Variants in GGCX observed in about 807,000 individuals in gnomAD.
The protein encoded by GGCX is vitamin K-dependent gamma-carboxylase.
GGCX carries 63 observed loss-of-function variants against 88.5 expected under a neutral mutation model. The observed-to-expected ratio is 0.71, with a 90% CI of 0.58 to 0.88. GGCX has a LOEUF of 0.88. GGCX is among the 40% of genes least tolerant of loss of function. The pLI is 0.00. For synonymous variants in GGCX, 368 were observed against 365.8 expected (o/e 1.01, Z -0.07); for missense variants, 805 against 932.9 (o/e 0.86, Z 1.79).
chr2:85,548,465 CCT>C lies in GGCX; in HGVS notation c.*1467_*1468del, dbSNP rs563477139. 3.3e-4 allele frequency: 50 copies of C among 152,286 alleles called. No homozygotes were observed. The highest frequency in any genetic ancestry group is 1.2e-3 in the African/African-American group (49 of 41,538). The allele number at this position is 152,286 out of a possible 1,614,324, so 9.4% of individuals were successfully genotyped here. A position where few individuals can be genotyped will look rare whatever the true frequency, so the allele number is the denominator to read the frequency against. ...ATACGTCTAGGGCACAGGAAAGAAA[CCT>C]AGCATCGTTGGAAATCCTGGAGTAG... On this transcript the variant is annotated 3_prime_UTR_variant, in exon 15 of 15. Transcript: ENST00000233838.
chr2:85,554,555 T>C (rs926817145), intron 6 of GGCX: 1 of 523,754 alleles, frequency 1.9e-6, no homozygotes, highest in Admixed American at 3.1e-5. Context: ...AGCCTCAAAC[T>C]CCTGGGCTCA....
rs1047877795 is a variant in GGCX at position 85,546,708 on chromosome 2, C to T, written c.*3226G>A. The T allele has an allele frequency of 6.6e-6, 1 of 152,200 alleles. No individual in the cohort carries two copies. Among genetic ancestry groups the T allele is most frequent in the East Asian group, 1.9e-4 (1 of 5,192 alleles). The allele number at this position is 152,200 out of a possible 1,614,324, so 9.4% of individuals were successfully genotyped here. A position where few individuals can be genotyped will look rare whatever the true frequency, so the allele number is the denominator to read the frequency against. ...CAGAGCAAGGTTCCTTCTCAAAAAA[C>T]TTGGAAATCTGTTGGGAAGTAGGGG... On this transcript the variant is annotated 3_prime_UTR_variant, in exon 15 of 15. Transcript: ENST00000233838.
rs760208257 is a variant in GGCX at position 85,551,970 on chromosome 2, G to A, written c.1451C>T (p.Pro484Leu). Residue 484 changes from proline (P) to leucine (L), a missense_variant, in exon 11 of 15, where the codon CCT becomes CTT. Pro to Leu is a moderately conservative substitution (Grantham distance 98, BLOSUM62 -3). This residue lies in a region of GGCX where 680 missense variants were observed against 763.7 expected (regional missense o/e 0.89). Transcript: ENST00000233838. ...AGCGGCCTGCACGATGTCCACACGA[G>A]GGTCAAAAATCCTTAGGAAAGAAAA... ...NDRFQQRIFD[P>L]RVDIVQAAWS... 5.0e-6 allele frequency: 8 copies of A among 1,613,712 alleles called. No homozygotes were observed. In the South Asian group the frequency reaches 6.6e-5, roughly 13 times the overall value.
At chr2:85,556,447 T>C (rs1331852581) in intron 4 of GGCX, among the ~76,000 whole-genome samples, 187 bp from the exon 5 acceptor site, 2 of 152,234 alleles carry the variant, frequency 1.3e-5, no homozygotes, top group African/African-American at 2.4e-5. Flanking sequence ...AGAAGAAATA[T>C]TGCTACTAAG....
intron 6 of GGCX, chr2:85,554,633 T>C: frequency 2.6e-6 from 1 of 380,168 alleles, no homozygotes; most frequent in Non-Finnish European, 5.0e-6. Flanking sequence ...GCCTAGCTGT[T>C]TTTTTAAAAA....
rs532327434 is a variant in GGCX at position 85,559,925 on chromosome 2, G to A, written c.215-850C>T. ...TTTGGGCTGGTTAATTATTTATTGA[G>A]GGGATTATCCAATGCACTACAGGAC... On this transcript the variant is annotated intron_variant, in intron 2 of 14. Transcript: ENST00000233838. 4.7e-4 allele frequency among the ~76,000 whole-genome samples: 71 copies of A among 152,236 alleles called. 1 individual carries two copies. The highest frequency in any genetic ancestry group is 4.1e-3 in the Admixed American group (62 of 15,288).
At chr2:85,560,295 T>C (rs983921895) in intron 2 of GGCX, among the ~76,000 whole-genome samples, 3 of 152,042 alleles carry the variant, frequency 2.0e-5, no homozygotes, top group African/African-American at 7.2e-5. Flanking sequence ...ACATATCATA[T>C]AGCATTTCTA....
At position 85,549,033 on chromosome 2, in the gene GGCX, T is replaced by C. The variant is rs900900117; in HGVS notation, c.*901A>G. ...AACAAAGAAGGAACCAAAATTGCAA[T>C]GAAGATAAATTACTTTGTGTGCATT... On this transcript the variant is annotated 3_prime_UTR_variant, in exon 15 of 15. Transcript: ENST00000233838. The C allele has an allele frequency of 6.6e-6, 1 of 152,196 alleles. No homozygotes were observed. Among genetic ancestry groups the C allele is most frequent in the Non-Finnish European group, 1.5e-5 (1 of 68,036 alleles). The allele number at this position is 152,196 out of a possible 1,614,324, so 9.4% of individuals were successfully genotyped here.
In GGCX at chr2:85,545,620, A is replaced by G. The variant is rs530247310; in HGVS notation, c.*4314T>C. ...AAGATTTAGTCCTCCTAGTCCACTT[A>G]AGCCAAAATTCATGTGTCCTTATTG... On this transcript the variant is annotated 3_prime_UTR_variant, in exon 15 of 15. Coordinates refer to ENST00000233838, the MANE Select transcript of GGCX (RefSeq NM_000821.7). The G allele has an allele frequency of 2.0e-5, 3 of 152,290 alleles. No individual in the cohort carries two copies. In the East Asian group the frequency reaches 5.8e-4, roughly 29 times the overall value. 9.4% of individuals were successfully genotyped at this position (152,290 alleles called of 1,614,324 possible).
In GGCX at chr2:85,552,962, C is replaced by T. The variant is rs771694780; in HGVS notation, c.1264G>A (p.Glu422Lys). 5.6e-6 allele frequency: 9 copies of T among 1,614,178 alleles called. No homozygotes were observed. The highest frequency in any genetic ancestry group is 1.7e-5 in the Admixed American group (1 of 60,024). The stretch of plus-strand genomic sequence containing the variant: ...ACCCCAGGGTTAAGGTAGCCCAGTT[C>T]GCCAGTGCGGCCATCACGGTAGGTG... ...KITYRDGRTG[E>K]LGYLNPGVFT... Residue 422 changes from glutamate to lysine, a missense_variant, in exon 9 of 15, where the codon GAA becomes AAA. Coordinates refer to ENST00000233838, the MANE Select transcript of GGCX (RefSeq NM_000821.7).
intron 4 of GGCX, among the ~76,000 whole-genome samples, chr2:85,557,183 G>A (rs762332165): frequency 1.3e-4 from 20 of 152,098 alleles, no homozygotes; most frequent in Non-Finnish European, 2.9e-4. Flanking sequence ...TTTTAATGAG[G>A]AAAAACTCTA....
intron 8 of GGCX, 75 bp from the exon 9 acceptor site, chr2:85,553,145 C>T (rs927828797): frequency 2.2e-5 from 36 of 1,606,540 alleles, no homozygotes; most frequent in Non-Finnish European, 3.0e-5. Flanking sequence ...GAAGGGGCTG[C>T]AAAACCAGCC....
In GGCX at chr2:85,559,362, T is replaced by C. The variant is rs544461436; in HGVS notation, c.215-287A>G. On this transcript the variant is annotated intron_variant, in intron 2 of 14. Coordinates refer to ENST00000233838, the MANE Select transcript of GGCX (RefSeq NM_000821.7). ...TAAATTACAGAAATGCACAAAATGCTATAAAAACTGTTAGGGTCTTGACAG... is the reference window on the plus strand; with the variant it reads ...TAAATTACAGAAATGCACAAAATGCCATAAAAACTGTTAGGGTCTTGACAG... Among the ~76,000 whole-genome samples, 28 of 152,292 alleles carry C rather than the reference T, an allele frequency of 1.8e-4. No homozygotes were observed. In the South Asian group the frequency reaches 5.4e-3, roughly 29 times the overall value.
Position 85,555,489 on chromosome 2 carries a change from G to C in GGCX, c.720C>G (p.Pro240=), listed in dbSNP as rs1368562129. The C allele has an allele frequency of 6.5e-7, 1 of 1,541,316 alleles. No homozygotes were observed. Residue 240 remains proline, a synonymous_variant, in exon 6 of 15, where the codon CCC becomes CCG. Transcript: ENST00000233838. ...EYLSRHWLFS[P]FKLLLSEELT... ...CCACCATGACTGCCACTCACTTGAA[G>C]GGACTGAAGAGCCAGTGCCGGGACA...
rs1207338104 is a variant in GGCX at position 85,550,959 on chromosome 2, C to A, written c.1854G>T (p.Leu618=). ...ELALEQDLAY[L]QELKEKVENG... ...TCTCCACCTTTTCCTTTAATTCTTG[C>A]AGATATGCCAGGTCTTGCTCCAGTG... The change falls in exon 13 of 15, where the codon CTG becomes CTT. Residue 618 remains leucine, a synonymous_variant. Transcript: ENST00000233838. 2 of 1,614,126 alleles carry A rather than the reference C, an allele frequency of 1.2e-6. No individual in the cohort carries two copies. The highest frequency in any genetic ancestry group is 1.7e-6 in the Non-Finnish European group (2 of 1,179,966).
Position 85,560,801 on chromosome 2 carries a change from T to G in GGCX, c.214+14A>C. On this transcript the variant is annotated intron_variant, in intron 2 of 14. Coordinates refer to ENST00000233838, the MANE Select transcript of GGCX (RefSeq NM_000821.7). ...CTCTCAACCAAATTGCTCCCACCCA[T>G]AAACTGGACTCACCAAAAAGAAAAC... The G allele has an allele frequency of 6.2e-7, 1 of 1,609,802 alleles. No homozygotes were observed. Among genetic ancestry groups the G allele is most frequent in the South Asian group, 1.1e-5 (1 of 91,006 alleles).
At chr2:85,561,305 AC>A in intron 1 of GGCX, 80 bp downstream of exon 1, 1 of 393,348 alleles carries the variant, frequency 2.5e-6, no homozygotes, top group Non-Finnish European at 4.6e-6. Flanking sequence ...ACCGGGAGAC[AC>A]TGGGCGTCCT....
chr2:85,556,315 C>G, intron 4 of GGCX, 55 bp from the exon 5 acceptor site: 1 of 1,048,184 alleles, frequency 9.5e-7, no homozygotes, highest in South Asian at 1.3e-5. Flanking sequence ...AGCTACATCT[C>G]CATCCTTCCT....
At position 85,547,705 on chromosome 2, in the gene GGCX, CAG is replaced by C. The variant is rs10543863; in HGVS notation, c.*2227_*2228del. ...CTCCCACCCATTCTTACAAAGTAAT[CAG>C]GGGACCCTGTGCCACAGCCATTGCT... On this transcript the variant is annotated 3_prime_UTR_variant, in exon 15 of 15. Coordinates refer to ENST00000233838, the MANE Select transcript of GGCX (RefSeq NM_000821.7). The C allele has an allele frequency of 0.3, 45,435 of 151,866 alleles. 7,043 individuals are homozygous for C. The highest frequency in any genetic ancestry group is 0.37 in the African/African-American group (15,428 of 41,370). 9.4% of individuals were successfully genotyped at this position (151,866 alleles called of 1,614,324 possible).
Sources: gnomAD v4.1 joint callset for allele counts (sites outside exome capture counted in the v4.1 genomes callset) on GRCh38, gnomAD v4.1.1 for gene constraint, gnomAD v4.1.1 regional missense constraint, MANE v1.5 for transcripts, NCBI Gene and HGNC (gene_info 2026-07-23, HGNC 2026-07-21) for gene names.